The following PAX2 variants were observed in gnomAD, a reference collection of about 807,000 sequenced individuals.
PAX2 encodes paired box 2, also known as paired box protein Pax-2.
A neutral mutation model predicts 41.7 loss-of-function variants in PAX2; 9 were observed. The observed-to-expected ratio is 0.22, with a 90% CI of 0.13 to 0.38. PAX2 has a LOEUF of 0.38. Among genes scored for constraint, PAX2 ranks in the 10% least tolerant of loss-of-function variants. The probability of loss-of-function intolerance (pLI) is 1.00; values close to 1 mark genes in which losing one functional copy is unlikely to be tolerated. For missense variants in PAX2, 418 were observed against 531.6 expected, an observed-to-expected ratio of 0.79 and a Z score of 2.10; for synonymous variants, 221 against 212.7, an observed-to-expected ratio of 1.04 and a Z score of -0.34.
chr10:100,801,005 A>G (rs953246417), intron 5 of PAX2, among the ~76,000 whole-genome samples: 1 of 152,224 alleles, frequency 6.6e-6, no homozygotes, highest in Non-Finnish European at 1.5e-5. Context: ...CTCTCCTTCC[A>G]GTCAAGTTGA....
At chr10:100,783,662 T>C (rs1846729558) in intron 5 of PAX2, among the ~76,000 whole-genome samples, 1 of 148,352 alleles carries the variant, frequency 6.7e-6, no homozygotes, top group Non-Finnish European at 1.5e-5. Context: ...GTTTGGGCTT[T>C]TTTTTTTTTT....
Position 100,818,087 on chromosome 10 carries a change from C to T in PAX2, c.920-6561C>T, listed in dbSNP as rs930298121. On this transcript the variant is annotated intron_variant, in intron 7 of 9. Coordinates refer to ENST00000355243, the MANE Select transcript of PAX2 (RefSeq NM_000278.5). ...AAGAAATCTAATGTCTTCATTTTCG[C>T]TACCTTATGAGAAGCAGACAGAACT... 3.9e-5 allele frequency among the ~76,000 whole-genome samples: 6 copies of T among 152,272 alleles called. No individual in the cohort carries two copies. The East Asian group carries it at 1.2e-3, about 29-fold the overall frequency.
At chr10:100,783,150 C>T (rs759212339) in intron 5 of PAX2, among the ~76,000 whole-genome samples, 30 of 152,366 alleles carry the variant, frequency 2.0e-4, no homozygotes, top group Middle Eastern at 3.4e-3. Flanking sequence ...CAGAACAGGG[C>T]GCTCTCCTGA....
intron 7 of PAX2, among the ~76,000 whole-genome samples, chr10:100,820,793 T>C (rs762201583): frequency 1.2e-4 from 18 of 152,236 alleles, no homozygotes; most frequent in Admixed American, 2.6e-4. Flanking sequence ...CTTGTAATAA[T>C]ATGTGGGGTT....
Position 100,748,325 on chromosome 10 carries a change from T to A in PAX2, c.44-1421T>A. 1.0e-6 allele frequency: 1 copy of A among 983,262 alleles called. No individual in the cohort carries two copies. The highest frequency in any genetic ancestry group is 1.2e-6 in the Non-Finnish European group (1 of 828,988). 60.9% of individuals were successfully genotyped at this position (983,262 alleles called of 1,614,324 possible). A position where few individuals can be genotyped will look rare whatever the true frequency, so the allele number is the denominator to read the frequency against. ...AGAAGTGGGGCTAGAGATAGGGAGA[T>A]TAACGGGGTGGGCAAGGGGGTAAAA... On this transcript the variant is annotated intron_variant, in intron 1 of 9. Transcript: ENST00000355243. The surrounding 1 kb of genome is among the most constrained non-coding windows in gnomAD (Gnocchi z 5.0).
At chr10:100,804,021 T>C (rs1051188098) in intron 5 of PAX2, among the ~76,000 whole-genome samples, 1 of 152,166 alleles carries the variant, frequency 6.6e-6, no homozygotes, top group Non-Finnish European at 1.5e-5. Flanking sequence ...AAGTAGTGTA[T>C]TATACGCACA....
rs890056250 is a variant in PAX2 at position 100,749,088 on chromosome 10, G to A, written c.44-658G>A. ...TACTAAGGAGGTGAAAGAGAGATACGGTCCCCCTACAGATAAATAACATTA... is the reference window on the plus strand; with the variant it reads ...TACTAAGGAGGTGAAAGAGAGATACAGTCCCCCTACAGATAAATAACATTA... On this transcript the variant is annotated intron_variant, in intron 1 of 9. Transcript: ENST00000355243. 6 of 985,308 alleles carry A rather than the reference G, an allele frequency of 6.1e-6. No individual in the cohort carries two copies. The African/African-American group carries it at 1.0e-4, about 17-fold the overall frequency. The allele number at this position is 985,308 out of a possible 1,614,324, so 61.0% of individuals were successfully genotyped here. A position where few individuals can be genotyped will look rare whatever the true frequency, so the allele number is the denominator to read the frequency against.
In PAX2 at chr10:100,796,810, T is replaced by C. The variant is rs74152679; in HGVS notation, c.617-9620T>C. Among the ~76,000 whole-genome samples the C allele has an allele frequency of 9.7e-3, 1,478 of 152,310 alleles. 31 individuals carry two copies. The highest frequency in any genetic ancestry group is 0.034 in the African/African-American group (1,392 of 41,548). On this transcript the variant is annotated intron_variant, in intron 5 of 9. Coordinates refer to ENST00000355243, the MANE Select transcript of PAX2 (RefSeq NM_000278.5). The stretch of plus-strand genomic sequence containing the variant: ...ATCAGTTTTTCTTTCTTGGTCAGAA[T>C]TAAGTGGCCTGCAATAGTGGAAAGG...
At chr10:100,769,996 A>G (rs188262037) in intron 3 of PAX2, among the ~76,000 whole-genome samples, 150 of 152,340 alleles carry the variant, frequency 9.8e-4, no homozygotes, top group Non-Finnish European at 2.5e-4. Flanking sequence ...GGGCTGAAGA[A>G]TTCTGAATTT....
chr10:100,767,416 C>T (rs1044958125), intron 3 of PAX2, among the ~76,000 whole-genome samples: 1 of 152,156 alleles, frequency 6.6e-6, no homozygotes, highest in African/African-American at 2.4e-5. Flanking sequence ...CTTCCCGAGA[C>T]AGGACAATTC....
chr10:100,806,441 G>A lies in PAX2; in HGVS notation c.628G>A (p.Gly210Ser). 6.2e-7 allele frequency: 1 copy of A among 1,614,222 alleles called. No individual in the cohort carries two copies. Among genetic ancestry groups the A allele is most frequent in the Non-Finnish European group, 8.5e-7 (1 of 1,180,030 alleles). ...KRKRDEDVSE[G>S]SVPNGDSQSG... ...CATGTGTTCTCCAGATGTGTCTGAG[G>A]GCTCAGTCCCCAATGGAGATTCCCA... The change falls in exon 6 of 10, where the codon GGC becomes AGC. Residue 210 changes from glycine to serine, a missense_variant. Gly to Ser is a moderately conservative substitution (Grantham distance 56). Around this residue, in one of 2 missense-constraint regions of PAX2, gnomAD observed 310 missense variants for 325.2 expected, o/e 0.95. Transcript: ENST00000355243.
intron 4 of PAX2, 79 bp downstream of exon 4, chr10:100,779,662 TG>T: frequency 8.6e-7 from 1 of 1,165,894 alleles, no homozygotes; most frequent in South Asian, 1.3e-5. Flanking sequence ...CCCTGGGAAC[TG>T]CCTGCCCGCT....
chr10:100,795,856 G>C (rs1217819189), intron 5 of PAX2, among the ~76,000 whole-genome samples: 8 of 152,266 alleles, frequency 5.3e-5, no homozygotes, highest in African/African-American at 1.9e-4. Flanking sequence ...ACTGGGCTCA[G>C]TTTGAAGATT....
At chr10:100,823,498 G>A (rs1319799899) in intron 7 of PAX2, among the ~76,000 whole-genome samples, 1 of 152,178 alleles carries the variant, frequency 6.6e-6, no homozygotes, top group Non-Finnish European at 1.5e-5. Flanking sequence ...TAATGACTAT[G>A]GCCCAGCTGA....
intron 5 of PAX2, chr10:100,786,928 T>G (rs1340829031): frequency 2.2e-6 from 3 of 1,373,150 alleles, no homozygotes; most frequent in Non-Finnish European, 2.9e-6. Flanking sequence ...TTTGTCTGTC[T>G]CTTATTTGCT....
intron 3 of PAX2, among the ~76,000 whole-genome samples, chr10:100,759,184 C>T (rs188502594): frequency 5.2e-4 from 79 of 152,196 alleles, no homozygotes; most frequent in African/African-American, 1.8e-3. Context: ...TGGGAGGAAA[C>T]CTGAGCTCCA....
intron 3 of PAX2, among the ~76,000 whole-genome samples, chr10:100,755,307 C>T (rs1270336614): frequency 6.6e-6 from 1 of 152,196 alleles, no homozygotes; most frequent in Non-Finnish European, 1.5e-5. Context: ...AAAGGGGTTT[C>T]TGGTGAGAGC....
chr10:100,749,688 C>T (rs1415219191), intron 1 of PAX2, 58 bp from the exon 2 acceptor site: 5 of 1,572,594 alleles, frequency 3.2e-6, no homozygotes, highest in Non-Finnish European at 4.3e-6. Context: ...CGGACCCTGA[C>T]TAATGGCCGG....
intron 1 of PAX2, among the ~76,000 whole-genome samples, chr10:100,738,699 G>T (rs1426021754): frequency 6.6e-6 from 1 of 152,102 alleles, no homozygotes; most frequent in South Asian, 2.1e-4. Flanking sequence ...GGAACCTGAG[G>T]GATTTTTTTC....
Sources: allele counts gnomAD v4.1 joint callset (sites outside exome capture counted in the v4.1 genomes callset), GRCh38; gene constraint gnomAD v4.1.1; regional missense constraint gnomAD v4.1.1; non-coding constraint Gnocchi (gnomAD v3.1); transcripts MANE v1.5; gene names NCBI Gene and HGNC (gene_info 2026-07-23, HGNC 2026-07-21).